IL22RA2: variants seen among roughly 807,000 people sequenced by gnomAD.
IL22RA2 encodes interleukin 22 receptor subunit alpha 2, also known as interleukin-22 receptor subunit alpha-2.
IL22RA2 carries 39 observed loss-of-function variants against 30.7 expected under a neutral mutation model. That is an observed-to-expected ratio of 1.27 (90% confidence interval 0.98 to 1.66). IL22RA2 has a LOEUF of 1.66. Among genes scored for constraint, IL22RA2 ranks in the 40% most tolerant of loss-of-function variants. The pLI, the probability that IL22RA2 is intolerant of heterozygous loss-of-function variation, is 0.00. For missense variants in IL22RA2, 315 were observed against 312.7 expected, an observed-to-expected ratio of 1.01 and a Z score of -0.05; for synonymous variants, 103 against 105.0, an observed-to-expected ratio of 0.98 and a Z score of 0.11.
In IL22RA2 at chr6:137,147,644, G is replaced by A. The variant is rs1352329123; in HGVS notation, c.642+78C>T. 4.3e-6 allele frequency: 5 copies of A among 1,155,302 alleles called. No individual in the cohort carries two copies. In the African/African-American group the frequency reaches 6.3e-5, roughly 15 times the overall value. The allele number at this position is 1,155,302 out of a possible 1,614,324, so 71.6% of individuals were successfully genotyped here. On this transcript the variant is annotated intron_variant, in intron 6 of 6. Transcript: ENST00000296980. The stretch of plus-strand genomic sequence containing the variant: ...AAGAGGAGGCAGAGTAGCAGAAGAG[G>A]ACATCTCATATGACCACAATATTGG...
intron 1 of IL22RA2, among the ~76,000 whole-genome samples, chr6:137,170,419 T>C (rs1468135501): frequency 6.6e-6 from 1 of 152,168 alleles, no homozygotes; most frequent in African/African-American, 2.4e-5. Flanking sequence ...TTATCTATAC[T>C]CCCCAACTCC....
intron 1 of IL22RA2, among the ~76,000 whole-genome samples, chr6:137,164,737 C>T (rs760388674): frequency 3.9e-5 from 6 of 152,160 alleles, no homozygotes; most frequent in Non-Finnish European, 8.8e-5. Context: ...TCGGTCCGTG[C>T]CCAAGCAATG....
intron 4 of IL22RA2, 73 bp from the exon 5 acceptor site, chr6:137,155,192 T>A (rs910390270): frequency 1.0e-5 from 11 of 1,085,416 alleles, no homozygotes; most frequent in Middle Eastern, 2.1e-4. Context: ...TTCAGACTAA[T>A]AATTTTTTAT....
chr6:137,159,050 A>G (rs1004106114), intron 2 of IL22RA2, among the ~76,000 whole-genome samples: 4 of 152,200 alleles, frequency 2.6e-5, no homozygotes, highest in African/African-American at 7.2e-5. Flanking sequence ...CAAGTATCCA[A>G]GCATAATCCC....
intron 3 of IL22RA2, among the ~76,000 whole-genome samples, chr6:137,157,295 G>A (rs1444046846): frequency 6.6e-6 from 1 of 152,008 alleles, no homozygotes; most frequent in African/African-American, 2.4e-5. Context: ...CTACTCCAGG[G>A]GAAGCATAAA....
intron 1 of IL22RA2, among the ~76,000 whole-genome samples, chr6:137,167,231 T>C (rs1378216326): frequency 6.6e-6 from 1 of 152,112 alleles, no homozygotes; most frequent in Non-Finnish European, 1.5e-5. Flanking sequence ...TTCTGGAAAG[T>C]TGAAAGAATA....
At chr6:137,158,661 A>G (rs953800732) in intron 2 of IL22RA2, among the ~76,000 whole-genome samples, 179 bp from the exon 3 acceptor site, 3 of 152,230 alleles carry the variant, frequency 2.0e-5, no homozygotes, top group African/African-American at 7.2e-5. Context: ...ATTTTGATGC[A>G]CGCTAAAGTC....
At chr6:137,164,769 TG>T (rs1562273740) in intron 1 of IL22RA2, among the ~76,000 whole-genome samples, 2 of 152,188 alleles carry the variant, frequency 1.3e-5, no homozygotes, top group African/African-American at 4.8e-5. Flanking sequence ...CTGAGAAACA[TG>T]GGGACAAATT....
rs750994300 is a variant in IL22RA2 at position 137,161,677 on chromosome 6, C to A, written c.61+12G>T. The A allele has an allele frequency of 6.2e-7, 1 of 1,609,220 alleles. No homozygotes were observed. On this transcript the variant is annotated intron_variant, in intron 2 of 6. Transcript: ENST00000296980. ...AAAGCTATGAGCAATTAAAAAGAAACAAAGCACTTACCTGCTACACCAGTA... is the reference window on the plus strand; with the variant it reads ...AAAGCTATGAGCAATTAAAAAGAAAAAAAGCACTTACCTGCTACACCAGTA...
In IL22RA2 at chr6:137,161,780, T is replaced by C; in HGVS notation, c.-31A>G. 2 of 1,593,260 alleles carry C rather than the reference T, an allele frequency of 1.3e-6. No homozygotes were observed. Among genetic ancestry groups the C allele is most frequent in the South Asian group, 2.2e-5 (2 of 89,962 alleles). Reference sequence around the variant, plus strand: ...CAAGTGTGACTGTTCAGGCAACCAGTGTTCCTTTTAACCAGCTCAGGACCA... The same window carrying C: ...CAAGTGTGACTGTTCAGGCAACCAGCGTTCCTTTTAACCAGCTCAGGACCA... On this transcript the variant is annotated 5_prime_UTR_variant, in exon 2 of 7. Coordinates refer to ENST00000296980, the MANE Select transcript of IL22RA2 (RefSeq NM_052962.3).
At chr6:137,160,672 T>G (rs1279383897) in intron 2 of IL22RA2, among the ~76,000 whole-genome samples, 1 of 152,218 alleles carries the variant, frequency 6.6e-6, no homozygotes, top group Non-Finnish European at 1.5e-5. Flanking sequence ...GTTCAAAGCT[T>G]TACAACTTAC....
Position 137,143,856 on chromosome 6 carries a change from A to G in IL22RA2, c.*1768T>C, listed in dbSNP as rs1778121823. 1 of 152,254 alleles carries G rather than the reference A, an allele frequency of 6.6e-6. No individual in the cohort carries two copies. The allele number at this position is 152,254 out of a possible 1,614,324, so 9.4% of individuals were successfully genotyped here. On this transcript the variant is annotated 3_prime_UTR_variant, in exon 7 of 7. Transcript: ENST00000296980. ...AAGGATTTATTGAAATCATGTGACA[A>G]TATATCCCTAACACCATGAAGAAGA...
At chr6:137,146,395 G>A (rs1208256891) in intron 6 of IL22RA2, among the ~76,000 whole-genome samples, 1 of 152,128 alleles carries the variant, frequency 6.6e-6, no homozygotes, top group Non-Finnish European at 1.5e-5. Flanking sequence ...AGAGATAACT[G>A]CAGGCATGAA....
intron 6 of IL22RA2, among the ~76,000 whole-genome samples, chr6:137,146,675 C>T (rs966185051): frequency 4.6e-5 from 7 of 152,168 alleles, no homozygotes; most frequent in Non-Finnish European, 8.8e-5. Flanking sequence ...CAAATCCAGA[C>T]AGAAGCACCG....
In IL22RA2 at chr6:137,144,152, T is replaced by C. The variant is rs1252830363; in HGVS notation, c.*1472A>G. The stretch of plus-strand genomic sequence containing the variant: ...AAAGGACAAAAGGCAAAAAAGGTAG[T>C]AAGCAAAATATAAATAATAAGAATT... On this transcript the variant is annotated 3_prime_UTR_variant, in exon 7 of 7. Transcript: ENST00000296980. 6.6e-6 allele frequency: 1 copy of C among 152,234 alleles called. No individual in the cohort carries two copies. The highest frequency in any genetic ancestry group is 1.5e-5 in the Non-Finnish European group (1 of 68,030). The allele number at this position is 152,234 out of a possible 1,614,324, so 9.4% of individuals were successfully genotyped here. A position where few individuals can be genotyped will look rare whatever the true frequency, so the allele number is the denominator to read the frequency against.
At chr6:137,150,342 G>A (rs1778263532) in intron 5 of IL22RA2, among the ~76,000 whole-genome samples, 1 of 152,028 alleles carries the variant, frequency 6.6e-6, no homozygotes, top group Admixed American at 6.6e-5. Context: ...CAGCTGAGTG[G>A]GTGATTCTTC....
intron 5 of IL22RA2, among the ~76,000 whole-genome samples, chr6:137,150,311 G>A (rs1201620296): frequency 3.3e-5 from 5 of 152,002 alleles, no homozygotes; most frequent in African/African-American, 9.7e-5. Flanking sequence ...GTGGGAGAGC[G>A]CAAGCCTGGG....
chr6:137,166,971 G>A (rs1055007756), intron 1 of IL22RA2, among the ~76,000 whole-genome samples: 1 of 152,210 alleles, frequency 6.6e-6, no homozygotes, highest in African/African-American at 2.4e-5. Flanking sequence ...GAGCTGCCTC[G>A]AACCGGAGGC....
intron 2 of IL22RA2, 119 bp from the exon 3 acceptor site, chr6:137,158,601 A>G (rs967114790): frequency 1.0e-5 from 10 of 985,796 alleles, no homozygotes; most frequent in African/African-American, 1.6e-5. Context: ...CTAAGTGCAG[A>G]TAGTAGAGGT....
Sources: gnomAD v4.1 joint callset for allele counts (sites outside exome capture counted in the v4.1 genomes callset) on GRCh38, gnomAD v4.1.1 for gene constraint, MANE v1.5 for transcripts, NCBI Gene and HGNC (gene_info 2026-07-23, HGNC 2026-07-21) for gene names.